PTPRT: variants seen among roughly 807,000 people sequenced by gnomAD.
PTPRT encodes protein tyrosine phosphatase receptor type T.
PTPRT carries 56 observed loss-of-function variants against 176.8 expected under a neutral mutation model. The ratio of observed to expected loss-of-function variants is 0.32; its 90% CI spans 0.26 to 0.40. The LOEUF (loss-of-function observed/expected upper bound fraction) is 0.40, where lower values mean the gene tolerates loss of function less well. Ranked by LOEUF, PTPRT falls within the 10% of genes least tolerant of loss-of-function variation. The pLI is 1.00. For synonymous variants in PTPRT, 783 were observed against 739.0 expected, an observed-to-expected ratio of 1.06 and a Z score of -0.96; for missense variants, 1,540 against 1,908.2, an observed-to-expected ratio of 0.81 and a Z score of 3.60.
At chr20:42,327,669 GT>G (rs1272138664) in intron 11 of PTPRT, among the ~76,000 whole-genome samples, 1 of 152,052 alleles carries the variant, frequency 6.6e-6, no homozygotes, top group Non-Finnish European at 1.5e-5. Context: ...TATGTGGATG[GT>G]TATTGTCTCA....
At chr20:42,585,369 T>C (rs1036457907) in intron 7 of PTPRT, among the ~76,000 whole-genome samples, 7 of 152,262 alleles carry the variant, frequency 4.6e-5, no homozygotes, top group African/African-American at 1.4e-4. Flanking sequence ...TGACTTGAAA[T>C]AACTCCATGC....
chr20:42,377,548 T>C (rs2058663453), intron 9 of PTPRT, among the ~76,000 whole-genome samples: 1 of 152,230 alleles, frequency 6.6e-6, no homozygotes, highest in Non-Finnish European at 1.5e-5. Flanking sequence ...CTGATGCTGT[T>C]GTTAATTGGT....
the PTPRT span, among the ~76,000 whole-genome samples, chr20:42,064,307 C>T: frequency 2.6e-5 from 4 of 152,112 alleles, no homozygotes; most frequent in Non-Finnish European, 5.9e-5. Flanking sequence ...TTGATTGAAG[C>T]GGCATTAAAC....
chr20:43,000,622 T>G (rs59567464), intron 1 of PTPRT, among the ~76,000 whole-genome samples: 1 of 152,212 alleles, frequency 6.6e-6, no homozygotes, highest in African/African-American at 2.4e-5. Flanking sequence ...AAGTCAACAA[T>G]GTAATTATAA....
At chr20:42,116,727 T>C (rs1019805129) in intron 21 of PTPRT, among the ~76,000 whole-genome samples, 2 of 152,138 alleles carry the variant, frequency 1.3e-5, no homozygotes, top group Non-Finnish European at 2.9e-5. Flanking sequence ...ACTTGAATAA[T>C]AACTAGGAAC....
At chr20:42,151,333 G>T (rs949311041) in intron 17 of PTPRT, among the ~76,000 whole-genome samples, 1 of 151,970 alleles carries the variant, frequency 6.6e-6, no homozygotes, top group African/African-American at 2.4e-5. Context: ...ACAGGCCCTG[G>T]GGTGTCATAT....
At chr20:43,072,964 A>C (rs2011200580) in intron 1 of PTPRT, among the ~76,000 whole-genome samples, 1 of 152,202 alleles carries the variant, frequency 6.6e-6, no homozygotes, top group African/African-American at 2.4e-5. Context: ...CATAAGATCA[A>C]GGCAGAAGCT....
intron 8 of PTPRT, among the ~76,000 whole-genome samples, chr20:42,449,930 T>C (rs2070797221): frequency 1.3e-5 from 2 of 152,222 alleles, no homozygotes; most frequent in Non-Finnish European, 2.9e-5. Flanking sequence ...TAAAATTTTA[T>C]TAAAAAAAGA....
At chr20:42,183,231 G>C (rs1203297332) in intron 16 of PTPRT, among the ~76,000 whole-genome samples, 1 of 151,954 alleles carries the variant, frequency 6.6e-6, no homozygotes, top group Non-Finnish European at 1.5e-5. Flanking sequence ...TAATCCTATG[G>C]TTCTAATATT....
At chr20:43,128,122 A>G (rs2013513340) in intron 1 of PTPRT, among the ~76,000 whole-genome samples, 1 of 152,210 alleles carries the variant, frequency 6.6e-6, no homozygotes, top group African/African-American at 2.4e-5. Flanking sequence ...ACTTACAGGA[A>G]GAAGACAAAG....
chr20:42,428,910 A>G (rs1380539998), intron 9 of PTPRT, among the ~76,000 whole-genome samples: 4 of 152,132 alleles, frequency 2.6e-5, no homozygotes, highest in Non-Finnish European at 4.4e-5. Flanking sequence ...TCTTCATTCC[A>G]AAACTGCGCC....
chr20:42,174,990 C>A (rs1162437690), intron 16 of PTPRT, among the ~76,000 whole-genome samples: 1 of 152,104 alleles, frequency 6.6e-6, no homozygotes, highest in Non-Finnish European at 1.5e-5. Context: ...AAGAGATAGT[C>A]ATTTCTCTCC....
At chr20:42,472,617 G>T in intron 7 of PTPRT, 55 bp from the exon 8 acceptor site, 2 of 1,557,644 alleles carry the variant, frequency 1.3e-6, no homozygotes, top group Non-Finnish European at 1.7e-6. Flanking sequence ...CGGGAAGCTG[G>T]GGTACATGTT....
chr20:42,785,610 G>A (rs749015225), intron 3 of PTPRT, among the ~76,000 whole-genome samples: 21 of 152,240 alleles, frequency 1.4e-4, no homozygotes, highest in Non-Finnish European at 2.2e-4. Context: ...CATTAGTGAC[G>A]GTGTGTGTAT....
At chr20:42,880,547 A>G (rs774822112) in intron 2 of PTPRT, among the ~76,000 whole-genome samples, 1 of 152,270 alleles carries the variant, frequency 6.6e-6, no homozygotes, top group South Asian at 2.1e-4. Flanking sequence ...ATCTTCCTTC[A>G]GCCCCCAGGA....
At chr20:42,622,917 CA>C (rs2074225417) in intron 7 of PTPRT, among the ~76,000 whole-genome samples, 1 of 152,144 alleles carries the variant, frequency 6.6e-6, no homozygotes. Context: ...TTTTTGCATC[CA>C]AAAAGTTGCC....
At position 42,161,546 on chromosome 20, in the gene PTPRT, C is replaced by T. The variant is rs375251135; in HGVS notation, c.2492-4G>A. ...AGCTCCCCGCGGCTGCCATCTGCTT[C>T]GAAAAGAAGGAGGCAGAACAGATCA... On this transcript the variant is annotated splice_polypyrimidine_tract_variant and splice_region_variant and intron_variant, in intron 16 of 30. Transcript: ENST00000373187. 2.2e-5 allele frequency: 35 copies of T among 1,599,460 alleles called. No homozygotes were observed. In the African/African-American group the frequency reaches 2.5e-4, roughly 12 times the overall value.
intron 11 of PTPRT, among the ~76,000 whole-genome samples, chr20:42,348,370 TTTTATTTA>T (rs145685236): frequency 1.6e-4 from 23 of 146,618 alleles, no homozygotes; most frequent in East Asian, 4.0e-4. Context: ...GTGACATTTC[TTTTATTTA>T]TTTATTTATT....
chr20:42,376,094 G>A (rs2058646282), intron 9 of PTPRT, among the ~76,000 whole-genome samples: 1 of 152,206 alleles, frequency 6.6e-6, no homozygotes, highest in South Asian at 2.1e-4. Context: ...CACAGTGGAT[G>A]GGGAAAATTG....
Sources: allele counts gnomAD v4.1 joint callset (sites outside exome capture counted in the v4.1 genomes callset), GRCh38; gene constraint gnomAD v4.1.1; transcripts MANE v1.5; gene names NCBI Gene and HGNC (gene_info 2026-07-23, HGNC 2026-07-21).